Variants in EDNRB observed in about 807,000 individuals in gnomAD.
EDNRB encodes the protein endothelin receptor type B.
EDNRB carries 18 observed loss-of-function variants against 46.4 expected under a neutral mutation model. That is an observed-to-expected ratio of 0.39 (90% CI 0.27 to 0.57). The LOEUF (loss-of-function observed/expected upper bound fraction) is 0.57. Ranked by LOEUF, EDNRB falls within the 20% of genes least tolerant of loss-of-function variation. The probability of loss-of-function intolerance (pLI) is 0.61; values close to 1 mark genes in which losing one functional copy is unlikely to be tolerated. For synonymous variants in EDNRB, 213 were observed against 204.9 expected (o/e 1.04, Z -0.34); for missense variants, 434 against 537.5 (o/e 0.81, Z 1.90).
chr13:77,923,335 G>A (rs1296130232), upstream of EDNRB, among the ~76,000 whole-genome samples: 4 of 152,034 alleles, frequency 2.6e-5, no homozygotes, highest in African/African-American at 7.2e-5. Context: ...AACAAAAAAT[G>A]AGTGTAACCT....
In EDNRB at chr13:77,918,060, G is replaced by T. The variant is rs199544162; in HGVS notation, c.483+31C>A. On this transcript the variant is annotated intron_variant, in intron 1 of 6. Coordinates refer to ENST00000646607, the MANE Select transcript of EDNRB (RefSeq NM_001122659.3). This position sits in a 1 kb window ranked among gnomAD's most constrained non-coding sequence, Gnocchi z 4.5. Reference sequence around the variant, plus strand: ...TCTCCAACCAGGCCCCCTTCCTCAAGCCCACCATGATTTCAGCAGGCGCCC... The same window carrying T: ...TCTCCAACCAGGCCCCCTTCCTCAATCCCACCATGATTTCAGCAGGCGCCC... 8.7e-6 allele frequency: 14 copies of T among 1,613,504 alleles called. No individual in the cohort carries two copies. Among genetic ancestry groups the T allele is most frequent in the Admixed American group, 1.7e-5 (1 of 60,020 alleles).
At chr13:77,942,266 A>G (rs905378351) in intron 1 of EDNRB, among the ~76,000 whole-genome samples, 24 of 152,216 alleles carry the variant, frequency 1.6e-4, no homozygotes, top group African/African-American at 5.5e-4. Flanking sequence ...TTGAAAAATA[A>G]TATCTTACAT....
intron 1 of EDNRB, among the ~76,000 whole-genome samples, chr13:77,928,611 A>T (rs893080582): frequency 6.6e-6 from 1 of 152,184 alleles, no homozygotes; most frequent in Non-Finnish European, 1.5e-5. Context: ...TTTAATCTAA[A>T]ATATATAAAT....
chr13:77,940,722 TGTGTGTGTGTGTGTG>T (rs1880722070), intron 1 of EDNRB, among the ~76,000 whole-genome samples: 2 of 151,746 alleles, frequency 1.3e-5, no homozygotes, highest in African/African-American at 4.8e-5. Flanking sequence ...TGTGTGTGTG[TGTGTGTGTGTGTGTG>T]TGTAGGTCAT....
At chr13:77,908,384 A>C (rs1295826343) in intron 1 of EDNRB, among the ~76,000 whole-genome samples, 1 of 150,920 alleles carries the variant, frequency 6.6e-6, no homozygotes, top group Non-Finnish European at 1.5e-5. Context: ...CTTACCTAAA[A>C]TATAAAGGTA....
rs1479241351 is a variant in EDNRB, at chr13:77,903,550, G to C, written c.541C>G (p.Gln181Glu). 1 of 1,612,856 alleles carries C rather than the reference G, an allele frequency of 6.2e-7. No individual in the cohort carries two copies. Among genetic ancestry groups the C allele is most frequent in the Non-Finnish European group, 8.5e-7 (1 of 1,179,268 alleles). ...ACAGTGATTCCCACAGAGGCTTTCT[G>C]TATGAAAGGCACCAGCTTACACATC... ...AEMCKLVPFIQKASVGITVLS... is the reference protein window; with the variant it reads ...AEMCKLVPFIEKASVGITVLS... The change falls in exon 2 of 7, where the codon CAG becomes GAG. Residue 181 changes from glutamine to glutamate, a missense_variant. Gln to Glu is a conservative substitution (Grantham distance 29). Transcript: ENST00000646607.
upstream of EDNRB, chr13:77,919,708 T>A: frequency 1.6e-6 from 2 of 1,281,494 alleles, no homozygotes; most frequent in Non-Finnish European, 2.1e-6. Context: ...ACAGCATCAG[T>A]AGTAGTTGCC....
intron 1 of EDNRB, among the ~76,000 whole-genome samples, chr13:77,944,569 G>A (rs1880848869): frequency 6.6e-6 from 1 of 151,852 alleles, no homozygotes. Flanking sequence ...AAATTCCAAC[G>A]GAAGTCAGAA....
chr13:77,970,530 C>T (rs373512893), intron 1 of EDNRB, among the ~76,000 whole-genome samples: 3 of 152,070 alleles, frequency 2.0e-5, no homozygotes, highest in East Asian at 1.9e-4. Flanking sequence ...CCGTCTTGTG[C>T]ATAAGTAGCA....
intron 1 of EDNRB, among the ~76,000 whole-genome samples, chr13:77,948,904 TAA>T (rs772724010): frequency 4.9e-4 from 74 of 152,294 alleles, no homozygotes; most frequent in Non-Finnish European, 7.6e-4. Flanking sequence ...AAGTAAAACA[TAA>T]AAGATTGCTG....
chr13:77,920,561 T>A (rs146312737), upstream of EDNRB, among the ~76,000 whole-genome samples: 350 of 152,340 alleles, frequency 2.3e-3, 1 homozygote, highest in Non-Finnish European at 3.8e-3. Flanking sequence ...TTTTTGGCTC[T>A]TAGGCAATGC....
chr13:77,908,043 A>AAAAG (rs4052535), intron 1 of EDNRB, among the ~76,000 whole-genome samples: 11 of 72,490 alleles, frequency 1.5e-4, no homozygotes, highest in Non-Finnish European at 1.9e-4. Context: ...AAAAAAAAAA[A>AAAAG]AGAGAGAGAG....
chr13:77,954,723 C>G (rs140493649), intron 1 of EDNRB, among the ~76,000 whole-genome samples: 2,236 of 151,902 alleles, frequency 0.015, 46 homozygotes, highest in East Asian at 0.024. Context: ...GCCAGGCTGG[C>G]CTCGAACTCC....
At chr13:77,961,278 T>A (rs529023689) in intron 1 of EDNRB, among the ~76,000 whole-genome samples, 37 of 151,712 alleles carry the variant, frequency 2.4e-4, no homozygotes, top group Non-Finnish European at 2.8e-4. Flanking sequence ...TCCAAACTTA[T>A]TAGGTCTGCA....
intron 1 of EDNRB, among the ~76,000 whole-genome samples, chr13:77,931,952 G>A (rs149208424): frequency 9.0e-4 from 137 of 151,502 alleles, no homozygotes; most frequent in Non-Finnish European, 5.3e-4. Context: ...AACTGTTTCT[G>A]TAAGATTTAA....
Position 77,896,453 on chromosome 13 carries a change from T to C in EDNRB, c.*1747A>G, listed in dbSNP as rs1878628255. ...ATATGGTGTGTGAATTAATTATTAT[T>C]GCTCTTTCTTTCTGGCCACATTGTT... On this transcript the variant is annotated 3_prime_UTR_variant, in exon 7 of 7. Transcript: ENST00000646607. 4.5e-6 allele frequency: 7 copies of C among 1,567,266 alleles called. No homozygotes were observed. Among genetic ancestry groups the C allele is most frequent in the Non-Finnish European group, 6.1e-6 (7 of 1,154,242 alleles).
rs1366701373 is a variant in EDNRB at position 77,967,929 on chromosome 13, TCTC to T, written c.-52+7415_-52+7417del. On this transcript the variant is annotated intron_variant, in intron 1 of 7. Coordinates refer to the EDNRB transcript ENST00000646948. The stretch of plus-strand genomic sequence containing the variant: ...CTTCTTCTCAGCCTTGCTTGGGTCT[TCTC>T]CTTGAGATTCTCCAACAACAAAGGC... 2.6e-5 allele frequency among the ~76,000 whole-genome samples: 4 copies of T among 152,216 alleles called. No individual in the cohort carries two copies. In the East Asian group the frequency reaches 5.8e-4, roughly 22 times the overall value.
At chr13:77,908,208 C>T (rs953203536) in intron 1 of EDNRB, among the ~76,000 whole-genome samples, 8 of 151,840 alleles carry the variant, frequency 5.3e-5, no homozygotes, top group Admixed American at 3.3e-4. Flanking sequence ...ACTCTAAACG[C>T]TCTTCCTTTA....
intron 3 of EDNRB, 65 bp downstream of exon 3, chr13:77,903,090 AG>A: frequency 3.2e-6 from 5 of 1,547,200 alleles, no homozygotes; most frequent in Non-Finnish European, 3.6e-6. Flanking sequence ...AGTGGGGAAC[AG>A]GGGAAAAATA....
Sources: gnomAD v4.1 joint callset for allele counts (sites outside exome capture counted in the v4.1 genomes callset) on GRCh38, gnomAD v4.1.1 for gene constraint, Gnocchi (gnomAD v3.1) non-coding constraint, MANE v1.5 for transcripts, NCBI Gene and HGNC (gene_info 2026-07-23, HGNC 2026-07-21) for gene names.